The following ST7 variants were observed in gnomAD, a reference collection of about 807,000 sequenced individuals.
ST7 encodes suppression of tumorigenicity 7, also known as suppressor of tumorigenicity 7 protein.
Under a neutral mutation model 78.7 loss-of-function variants are expected in ST7, and 28 were observed. The ratio of observed to expected loss-of-function variants is 0.36; its 90% CI spans 0.26 to 0.49. ST7 has a LOEUF of 0.49. ST7 is among the 20% of genes least tolerant of loss of function. The pLI is 0.99. For missense variants in ST7, 418 were observed against 696.0 expected, an observed-to-expected ratio of 0.60 and a Z score of 4.49; for synonymous variants, 247 against 249.6, an observed-to-expected ratio of 0.99 and a Z score of 0.10.
intron 9 of ST7, among the ~76,000 whole-genome samples, chr7:117,141,855 A>C (rs949907752): frequency 1.3e-5 from 2 of 151,838 alleles, no homozygotes; most frequent in Non-Finnish European, 2.9e-5. Context: ...TTTTTTGTAG[A>C]GACTGGGTTT....
At chr7:117,154,722 C>T (rs980405421) in intron 9 of ST7, among the ~76,000 whole-genome samples, 3 of 152,106 alleles carry the variant, frequency 2.0e-5, no homozygotes, top group African/African-American at 7.2e-5. Context: ...TTTAGTTGTT[C>T]CTCTATACCT....
intron 12 of ST7, among the ~76,000 whole-genome samples, chr7:117,205,186 GT>G (rs1162133158): frequency 6.6e-6 from 1 of 151,320 alleles, no homozygotes; most frequent in African/African-American, 2.4e-5. Context: ...TTGTCCAATG[GT>G]TTTTAATGCC....
chr7:117,135,648 A>G (rs931848289), intron 7 of ST7, among the ~76,000 whole-genome samples: 1 of 152,206 alleles, frequency 6.6e-6, no homozygotes, highest in South Asian at 2.1e-4. Flanking sequence ...GAACTATTTA[A>G]TAACAGCTGT....
chr7:117,048,957 A>G (rs1797626860), intron 1 of ST7, among the ~76,000 whole-genome samples: 1 of 152,216 alleles, frequency 6.6e-6, no homozygotes. Flanking sequence ...TCATTGTCCA[A>G]TATCGAAAGA....
At chr7:116,965,953 A>G (rs1279449918) in intron 1 of ST7, 6 of 328,252 alleles carry the variant, frequency 1.8e-5, no homozygotes, top group Non-Finnish European at 2.5e-5. Context: ...ATGTAGTTGT[A>G]TAGTAGTGGT....
chr7:117,077,276 T>C (rs914450858), intron 1 of ST7, among the ~76,000 whole-genome samples: 2 of 152,050 alleles, frequency 1.3e-5, no homozygotes, highest in African/African-American at 4.8e-5. Context: ...AACATTTGAG[T>C]GGGAAAACAG....
chr7:116,963,798 A>G (rs1268919696), intron 1 of ST7, among the ~76,000 whole-genome samples: 7 of 151,832 alleles, frequency 4.6e-5, no homozygotes, highest in Admixed American at 4.6e-4. Flanking sequence ...ATACCTGGCT[A>G]ATTTTTGTAT....
intron 1 of ST7, among the ~76,000 whole-genome samples, chr7:117,067,470 G>C (rs1427070692): frequency 6.6e-6 from 1 of 152,074 alleles, no homozygotes; most frequent in African/African-American, 2.4e-5. Context: ...AAAAGTAGGG[G>C]TTTTATAGCC....
At chr7:116,995,085 G>A (rs1328605380) in intron 1 of ST7, among the ~76,000 whole-genome samples, 1 of 152,060 alleles carries the variant, frequency 6.6e-6, no homozygotes, top group African/African-American at 2.4e-5. Flanking sequence ...CAAAGCCTGT[G>A]CCCTTTCTAC....
chr7:117,024,831 C>G (rs1480515609), intron 1 of ST7, among the ~76,000 whole-genome samples: 2 of 152,106 alleles, frequency 1.3e-5, no homozygotes. Context: ...GGGTAGGCAG[C>G]CAGATGCTGG....
intron 2 of ST7, among the ~76,000 whole-genome samples, chr7:117,101,834 T>C (rs1801588830): frequency 1.3e-5 from 2 of 152,214 alleles, no homozygotes. Context: ...TAAAAATCTG[T>C]TTTGGATAAA....
At chr7:117,217,133 C>T (rs1307592609) in intron 13 of ST7, among the ~76,000 whole-genome samples, 1 of 152,060 alleles carries the variant, frequency 6.6e-6, no homozygotes, top group Non-Finnish European at 1.5e-5. Flanking sequence ...AAATTACTCC[C>T]TGAAGTGCAA....
chr7:117,137,704 A>G (rs570866828), intron 8 of ST7, among the ~76,000 whole-genome samples: 1 of 152,246 alleles, frequency 6.6e-6, no homozygotes, highest in South Asian at 2.1e-4. Flanking sequence ...ATATTTTCTC[A>G]AACATGGTAA....
At chr7:116,967,215 G>T in intron 1 of ST7, 1 of 451,686 alleles carries the variant, frequency 2.2e-6, no homozygotes. Context: ...AGGCTATATT[G>T]GTATGAATAG....
chr7:117,016,658 T>G (rs1795630314), intron 1 of ST7, among the ~76,000 whole-genome samples: 1 of 152,196 alleles, frequency 6.6e-6, no homozygotes. Flanking sequence ...CAAATTTAGT[T>G]GTGTGTGCTG....
At chr7:117,127,274 C>A (rs1803929543) in intron 3 of ST7, among the ~76,000 whole-genome samples, 1 of 151,860 alleles carries the variant, frequency 6.6e-6, no homozygotes, top group Non-Finnish European at 1.5e-5. Flanking sequence ...TCTTCATATT[C>A]TAATATGCTT....
At chr7:116,958,752 T>C in intron 1 of ST7, 1 of 464,458 alleles carries the variant, frequency 2.2e-6, no homozygotes, top group Non-Finnish European at 4.4e-6. Flanking sequence ...TATTGTATTA[T>C]ATTAAGAGTG....
intron 10 of ST7, among the ~76,000 whole-genome samples, chr7:117,177,880 C>T (rs796860928): frequency 3.3e-5 from 5 of 152,264 alleles, no homozygotes; most frequent in African/African-American, 1.2e-4. Flanking sequence ...TTCTTTACAT[C>T]ATATCATAAA....
rs569561024 is a variant in ST7 at position 117,204,277 on chromosome 7, C to T, written c.1255-5510C>T. ...GCAAAAATATCTACTATTCAATGCACGCTTATATGCCAGGTACTATGTGAA... is the reference window on the plus strand; with the variant it reads ...GCAAAAATATCTACTATTCAATGCATGCTTATATGCCAGGTACTATGTGAA... On this transcript the variant is annotated intron_variant, in intron 12 of 15. Coordinates refer to ENST00000323984, the MANE Select transcript of ST7 (RefSeq NM_001369598.1). Among the ~76,000 whole-genome samples the T allele has an allele frequency of 5.9e-4, 90 of 152,282 alleles. No individual in the cohort carries two copies. In the South Asian group the frequency reaches 0.014, roughly 24 times the overall value.
Sources: gnomAD v4.1 joint callset for allele counts (sites outside exome capture counted in the v4.1 genomes callset) on GRCh38, gnomAD v4.1.1 for gene constraint, MANE v1.5 for transcripts, NCBI Gene and HGNC (gene_info 2026-07-23, HGNC 2026-07-21) for gene names.